The following CSMD1 variants were observed in gnomAD, a reference collection of about 807,000 sequenced individuals.
The protein encoded by CSMD1 is CUB and Sushi multiple domains 1, also known as CUB and sushi domain-containing protein 1.
A neutral mutation model predicts 417.5 loss-of-function variants in CSMD1; 213 were observed. The observed-to-expected ratio is 0.51, with a 90% CI of 0.46 to 0.57. CSMD1 has a LOEUF of 0.57. CSMD1 is among the 20% of genes least tolerant of loss of function. CSMD1 has a pLI of 0.00. For synonymous variants in CSMD1, 2,862 were observed against 1,736.8 expected (o/e 1.65, Z -16.11); for missense variants, 6,923 against 4,529.7 (o/e 1.53, Z -15.17).
intron 3 of CSMD1, among the ~76,000 whole-genome samples, chr8:4,097,824 C>G (rs959552901): frequency 1.3e-5 from 2 of 152,144 alleles, no homozygotes; most frequent in Admixed American, 6.5e-5. Context: ...TATGTTTGCC[C>G]TGTCTATTGT....
intron 1 of CSMD1, among the ~76,000 whole-genome samples, chr8:4,917,722 A>T (rs952148825): frequency 6.6e-6 from 1 of 152,228 alleles, no homozygotes; most frequent in Non-Finnish European, 1.5e-5. Context: ...TGGGAACCCT[A>T]GAATGTGACT....
At chr8:4,191,847 C>T (rs1222227615) in intron 3 of CSMD1, among the ~76,000 whole-genome samples, 1 of 151,074 alleles carries the variant, frequency 6.6e-6, no homozygotes, top group Non-Finnish European at 1.5e-5. Context: ...GCAAAATCAA[C>T]AGTCAGTTTC....
At chr8:4,458,793 A>AC (rs1563198141) in intron 2 of CSMD1, among the ~76,000 whole-genome samples, 175 of 151,944 alleles carry the variant, frequency 1.2e-3, no homozygotes, top group African/African-American at 4.1e-3. Flanking sequence ...AGGAATATTT[A>AC]ATTTTTTTTA....
intron 5 of CSMD1, among the ~76,000 whole-genome samples, chr8:3,983,291 C>T (rs1393922678): frequency 4.6e-5 from 7 of 152,084 alleles, no homozygotes; most frequent in South Asian, 2.1e-4. Flanking sequence ...CCACCACGCC[C>T]GGCTAATTTT....
intron 1 of CSMD1, among the ~76,000 whole-genome samples, chr8:4,738,325 T>C (rs1363267185): frequency 6.6e-6 from 1 of 152,196 alleles, no homozygotes; most frequent in Non-Finnish European, 1.5e-5. Flanking sequence ...TTGACTAACA[T>C]TTCAGCATGG....
At chr8:4,767,499 G>T (rs531964578) in intron 1 of CSMD1, among the ~76,000 whole-genome samples, 2 of 152,222 alleles carry the variant, frequency 1.3e-5, no homozygotes, top group South Asian at 4.2e-4. Context: ...TGGTCTACCT[G>T]CCTGAGACCA....
rs1803746547 is a variant in CSMD1, at chr8:3,849,577, A to G, written c.819-95535T>C. Among the ~76,000 whole-genome samples, 4 of 152,244 alleles carry G rather than the reference A, an allele frequency of 2.6e-5. No homozygotes were observed. The South Asian group carries it at 6.2e-4, about 24-fold the overall frequency. ...TCTGCAATTCAAATGAGTTCAGCTAATGCTCCACATGGGAAAAGAACAGTG... is the reference window on the plus strand; with the variant it reads ...TCTGCAATTCAAATGAGTTCAGCTAGTGCTCCACATGGGAAAAGAACAGTG... On this transcript the variant is annotated intron_variant, in intron 5 of 69. Coordinates refer to ENST00000635120, the MANE Select transcript of CSMD1 (RefSeq NM_033225.6).
chr8:3,981,911 C>T (rs1813900289), intron 5 of CSMD1, among the ~76,000 whole-genome samples: 1 of 152,066 alleles, frequency 6.6e-6, no homozygotes. Flanking sequence ...GTTACAATTG[C>T]CTGTAATCCC....
At chr8:4,384,768 G>A (rs982636254) in intron 3 of CSMD1, among the ~76,000 whole-genome samples, 19 of 152,074 alleles carry the variant, frequency 1.2e-4, no homozygotes, top group African/African-American at 3.9e-4. Context: ...AATTCCTACC[G>A]GTCGGGCTTC....
intron 3 of CSMD1, among the ~76,000 whole-genome samples, chr8:4,369,269 G>A (rs1175068918): frequency 6.6e-6 from 1 of 152,016 alleles, no homozygotes; most frequent in Admixed American, 6.6e-5. Context: ...GGGTCTTTCT[G>A]ATACGACTTC....
intron 7 of CSMD1, among the ~76,000 whole-genome samples, chr8:3,640,562 G>C (rs999927795): frequency 2.6e-5 from 4 of 152,150 alleles, no homozygotes; most frequent in African/African-American, 9.7e-5. Flanking sequence ...CACTGGATTG[G>C]ACAAGAGAAA....
At chr8:3,355,002 T>C (rs1808687418) in intron 21 of CSMD1, among the ~76,000 whole-genome samples, 1 of 110,854 alleles carries the variant, frequency 9.0e-6, no homozygotes, top group African/African-American at 4.2e-5. Flanking sequence ...TAGATATAAA[T>C]TAAATTAAAA....
chr8:3,995,735 A>T (rs1815163874), intron 5 of CSMD1, among the ~76,000 whole-genome samples: 1 of 152,250 alleles, frequency 6.6e-6, no homozygotes, highest in Non-Finnish European at 1.5e-5. Flanking sequence ...CGCCAAGCAA[A>T]TAGGACAATA....
chr8:4,896,422 CTCAAT>C (rs1240630981), intron 1 of CSMD1, among the ~76,000 whole-genome samples: 2 of 152,034 alleles, frequency 1.3e-5, no homozygotes, highest in African/African-American at 4.8e-5. Flanking sequence ...CTGATGTTTT[CTCAAT>C]TCTTTTGTTA....
intron 30 of CSMD1, among the ~76,000 whole-genome samples, chr8:3,210,373 G>A (rs181975812): frequency 2.3e-3 from 93 of 40,722 alleles, no homozygotes; most frequent in African/African-American, 0.011. Flanking sequence ...CTTCAGACAT[G>A]GAAACTGAAA....
chr8:3,436,002 G>A (rs529704854), intron 12 of CSMD1, among the ~76,000 whole-genome samples: 5 of 152,128 alleles, frequency 3.3e-5, no homozygotes, highest in African/African-American at 9.6e-5. Flanking sequence ...TCTCTTCTGG[G>A]ACACATCCCA....
intron 5 of CSMD1, among the ~76,000 whole-genome samples, chr8:3,770,811 T>C (rs1798526307): frequency 6.6e-6 from 1 of 152,126 alleles, no homozygotes; most frequent in African/African-American, 2.4e-5. Context: ...AACCATTATA[T>C]ATTTAGCAGC....
chr8:4,056,318 G>T (rs995371308), intron 3 of CSMD1, among the ~76,000 whole-genome samples: 2 of 151,376 alleles, frequency 1.3e-5, no homozygotes, highest in East Asian at 1.9e-4. Context: ...CCTGACCTTA[G>T]GTGATCCACC....
rs1554506364 is a variant in CSMD1, at chr8:3,982,193, T to TAAA, written c.818+15709_818+15710insTTT. On this transcript the variant is annotated intron_variant, in intron 5 of 69. Transcript: ENST00000635120. ...ATAATAATAATAATAATAATAATAT[T>TAAA]AATAAAAAAAATAATAATAATAAAC... is the stretch of plus-strand genomic sequence containing the variant. Among the ~76,000 whole-genome samples, 9 of 115,214 alleles carry TAAA rather than the reference T, an allele frequency of 7.8e-5. No homozygotes were observed. The South Asian group carries it at 1.9e-3, about 24-fold the overall frequency. The allele number at this position is 115,214 out of a possible 152,430, so 75.6% of individuals were successfully genotyped here. A position where few individuals can be genotyped will look rare whatever the true frequency, so the allele number is the denominator to read the frequency against.
Sources: gnomAD v4.1 joint callset for allele counts (sites outside exome capture counted in the v4.1 genomes callset) on GRCh38, gnomAD v4.1.1 for gene constraint, MANE v1.5 for transcripts, NCBI Gene and HGNC (gene_info 2026-07-23, HGNC 2026-07-21) for gene names.